The following LRPAP1 variants were observed in gnomAD, a reference collection of about 807,000 sequenced individuals.
The protein encoded by LRPAP1 is alpha-2-macroglobulin receptor-associated protein.
A neutral mutation model predicts 39.9 loss-of-function variants in LRPAP1; 41 were observed. The observed-to-expected ratio is 1.03, with a 90% CI of 0.80 to 1.33. LRPAP1 has a LOEUF of 1.33. Ranked by LOEUF, LRPAP1 falls within the 40% of genes most tolerant of loss-of-function variation. The pLI, the probability that LRPAP1 is intolerant of heterozygous loss-of-function variation, is 0.00. For missense variants in LRPAP1, 565 were observed against 482.3 expected, an observed-to-expected ratio of 1.17 and a Z score of -1.61; for synonymous variants, 263 against 212.7, an observed-to-expected ratio of 1.24 and a Z score of -2.06.
chr4:3,518,072 A>AGGC lies in LRPAP1; in HGVS notation c.710_712dup (p.Arg237dup), dbSNP rs1156728735. Reference sequence around the variant, plus strand: ...GTAGCCCTGGTGGCTGACCCTGCGCAGGCGGTCCAGGCCCTGGTTGATGCT... The same window carrying AGGC: ...GTAGCCCTGGTGGCTGACCCTGCGCAGGCGGCGGTCCAGGCCCTGGTTGATGCT... On this transcript the variant is annotated inframe_insertion, in exon 5 of 8. Transcript: ENST00000650182. 1 of 1,612,406 alleles carries AGGC rather than the reference A, an allele frequency of 6.2e-7. No individual in the cohort carries two copies. Among genetic ancestry groups the AGGC allele is most frequent in the African/African-American group, 1.3e-5 (1 of 75,030 alleles).
intron 1 of LRPAP1, among the ~76,000 whole-genome samples, chr4:3,526,901 C>G (rs1730094995): frequency 6.6e-6 from 1 of 152,204 alleles, no homozygotes. Context: ...CCACACAGGC[C>G]CCACCCTCCA....
Position 3,518,939 on chromosome 4 carries a change from T to C in LRPAP1, c.524A>G (p.Glu175Gly), listed in dbSNP as rs1468888645. ...SGEELDKLWR[E>G]FLHHKEKVHE... ...AACTTTCTCTTTGTGATGCAGGAAC[T>C]CCCGCCAGAGCTTGTCCAGTTCTTC... Residue 175 changes from glutamate to glycine, a missense_variant, in exon 4 of 8, where the codon GAG (glutamate) becomes GGG (glycine). Glu to Gly is a moderately conservative substitution (Grantham distance 98). Coordinates refer to ENST00000650182, the MANE Select transcript of LRPAP1 (RefSeq NM_002337.4). 6.2e-7 allele frequency: 1 copy of C among 1,614,006 alleles called. No individual in the cohort carries two copies. The highest frequency in any genetic ancestry group is 8.5e-7 in the Non-Finnish European group (1 of 1,179,988).
At chr4:3,513,566 C>T (rs1186457336) in intron 7 of LRPAP1, among the ~76,000 whole-genome samples, 1 of 152,208 alleles carries the variant, frequency 6.6e-6, no homozygotes, top group Non-Finnish European at 1.5e-5. Context: ...ACCTCAGCCT[C>T]CCAAAGTGCT....
At position 3,508,303 on chromosome 4, in the gene LRPAP1, G is replaced by A. The variant is rs1186678979; in HGVS notation, c.*4671C>T. On this transcript the variant is annotated 3_prime_UTR_variant, in exon 8 of 8. Transcript: ENST00000650182. ...TTACAAGCGTGAGCCACCATGCCAG[G>A]CCTCATGTCTATTTTTAAAAATCAA... 1 of 152,160 alleles carries A rather than the reference G, an allele frequency of 6.6e-6. No homozygotes were observed. The highest frequency in any genetic ancestry group is 1.5e-5 in the Non-Finnish European group (1 of 68,030). The allele number at this position is 152,160 out of a possible 1,614,324, so 9.4% of individuals were successfully genotyped here. A position where few individuals can be genotyped will look rare whatever the true frequency, so the allele number is the denominator to read the frequency against.
Position 3,507,664 on chromosome 4 carries a change from C to T in LRPAP1, c.*5310G>A, listed in dbSNP as rs977891021. On this transcript the variant is annotated 3_prime_UTR_variant, in exon 8 of 8. Transcript: ENST00000650182. ...ATGATCTAAGCCTCTATCAAAAGAA[C>T]CTAAAACAAGGACAGCAAATTGAAC... 4.0e-5 allele frequency: 6 copies of T among 151,648 alleles called. No homozygotes were observed. Among genetic ancestry groups the T allele is most frequent in the Non-Finnish European group, 8.8e-5 (6 of 67,966 alleles). 9.4% of individuals were successfully genotyped at this position (151,648 alleles called of 1,614,324 possible). A position where few individuals can be genotyped will look rare whatever the true frequency, so the allele number is the denominator to read the frequency against.
intron 2 of LRPAP1, among the ~76,000 whole-genome samples, chr4:3,523,025 G>A (rs984752359): frequency 1.3e-5 from 2 of 152,180 alleles, no homozygotes; most frequent in South Asian, 2.1e-4. Context: ...AGTGTGGGCA[G>A]GGTCTGCTTC....
At chr4:3,522,990 C>G (rs1461728931) in intron 2 of LRPAP1, among the ~76,000 whole-genome samples, 1 of 152,176 alleles carries the variant, frequency 6.6e-6, no homozygotes, top group East Asian at 1.9e-4. Context: ...TGGCGGGGAA[C>G]TGGCCAGGAC....
At chr4:3,513,140 C>T (rs1222034128) in intron 7 of LRPAP1, 104 bp from the exon 8 acceptor site, 2 of 820,912 alleles carry the variant, frequency 2.4e-6, no homozygotes, top group Non-Finnish European at 3.9e-6. Context: ...GGAAAAGGCG[C>T]AAGCCCTGCA....
In LRPAP1 at chr4:3,505,315, AC is replaced by A. The variant is rs1188490865; in HGVS notation, c.*7658del. Among the ~76,000 whole-genome samples the A allele has an allele frequency of 2.0e-5, 3 of 151,988 alleles. No homozygotes were observed. The highest frequency in any genetic ancestry group is 4.4e-5 in the Non-Finnish European group (3 of 67,972). ...GAGCACTGGAGCCCAATGCAGGGTG[AC>A]CCCTTCCCCCCAGCTCCAAATCCAG... On this transcript the variant is annotated 3_prime_UTR_variant, in exon 8 of 8. Transcript: ENST00000650182.
chr4:3,512,640 T>G lies in LRPAP1; in HGVS notation c.*334A>C. The G allele has an allele frequency of 3.3e-6, 1 of 307,588 alleles. No individual in the cohort carries two copies. The highest frequency in any genetic ancestry group is 6.3e-5 in the East Asian group (1 of 15,786). The allele number at this position is 307,588 out of a possible 1,614,324, so 19.1% of individuals were successfully genotyped here. The stretch of plus-strand genomic sequence containing the variant: ...TCCGGTGGCAGATGTGTAAGATTTT[T>G]TATGTAAATCGTGTTGTTTTAGCAG... On this transcript the variant is annotated 3_prime_UTR_variant, in exon 8 of 8. Transcript: ENST00000650182.
chr4:3,516,602 G>A (rs991411992), intron 5 of LRPAP1, among the ~76,000 whole-genome samples: 1 of 152,252 alleles, frequency 6.6e-6, no homozygotes. Context: ...TCCAGACGCA[G>A]GCACAGGCCG....
In LRPAP1 at chr4:3,511,697, G is replaced by A. The variant is rs1276375591; in HGVS notation, c.*1277C>T. ...CTGCAGTCAAAACACAATACGCCTG[G>A]TGGAGCCTCTTCCAGGTTCAAACAC... On this transcript the variant is annotated 3_prime_UTR_variant, in exon 8 of 8. Coordinates refer to ENST00000650182, the MANE Select transcript of LRPAP1 (RefSeq NM_002337.4). The A allele has an allele frequency of 1.3e-5, 2 of 152,298 alleles. No homozygotes were observed. 9.4% of individuals were successfully genotyped at this position (152,298 alleles called of 1,614,324 possible). A position where few individuals can be genotyped will look rare whatever the true frequency, so the allele number is the denominator to read the frequency against.
chr4:3,520,321 G>A (rs957854448), intron 2 of LRPAP1, 128 bp from the exon 3 acceptor site: 27 of 954,584 alleles, frequency 2.8e-5, no homozygotes, highest in African/African-American at 1.6e-5. Context: ...CCTTTCACCT[G>A]TTTCCTGGAT....
Position 3,524,925 on chromosome 4 carries a change from G to A in LRPAP1, c.331C>T (p.Leu111Phe). The A allele has an allele frequency of 2.5e-6, 4 of 1,614,226 alleles. No individual in the cohort carries two copies. Among genetic ancestry groups the A allele is most frequent in the East Asian group, 2.2e-5 (1 of 44,886 alleles). ...AACGTACCATTGAGGTTGCGTATGAGTCTCGCTTCCTTCTCCCCATCTTCG... is the reference window on the plus strand; with the variant it reads ...AACGTACCATTGAGGTTGCGTATGAATCTCGCTTCCTTCTCCCCATCTTCG... ...LDEDGEKEARLIRNLNVILAK... is the reference protein window; with the variant it reads ...LDEDGEKEARFIRNLNVILAK... Residue 111 changes from leucine (L) to phenylalanine (F), a missense_variant, in exon 2 of 8, where the codon CTC (leucine) becomes TTC (phenylalanine). Transcript: ENST00000650182.
At chr4:3,514,292 T>C (rs1211438557) in intron 7 of LRPAP1, among the ~76,000 whole-genome samples, 1 of 152,248 alleles carries the variant, frequency 6.6e-6, no homozygotes, top group Admixed American at 6.5e-5. Context: ...AGAAAGAACT[T>C]GGCATGAGCT....
At position 3,524,961 on chromosome 4, in the gene LRPAP1, C is replaced by G; in HGVS notation, c.295G>C (p.Asp99His). The change falls in exon 2 of 8, where the codon GAC becomes CAC. Residue 99 changes from aspartate (D) to histidine (H), a missense_variant. Coordinates refer to ENST00000650182, the MANE Select transcript of LRPAP1 (RefSeq NM_002337.4). ...TTCTCCCCATCTTCGTCCAAGCCGT[C>G]AAGCTTTAGTTTCTTCCAGGCGAGT... Reference protein sequence around the residue: ...DELAWKKLKLDGLDEDGEKEA... With the variant: ...DELAWKKLKLHGLDEDGEKEA... 1.9e-6 allele frequency: 3 copies of G among 1,614,178 alleles called. No homozygotes were observed. The highest frequency in any genetic ancestry group is 2.5e-6 in the Non-Finnish European group (3 of 1,180,034).
chr4:3,516,833 C>A (rs1729720667), intron 5 of LRPAP1, among the ~76,000 whole-genome samples: 1 of 152,188 alleles, frequency 6.6e-6, no homozygotes, highest in Non-Finnish European at 1.5e-5. Context: ...GGCCCCTGCT[C>A]CCTCCTCTGC....
At chr4:3,523,592 C>T (rs1729986690) in intron 2 of LRPAP1, among the ~76,000 whole-genome samples, 1 of 152,226 alleles carries the variant, frequency 6.6e-6, no homozygotes, top group African/African-American at 2.4e-5. Context: ...CACTACTCGG[C>T]TCTGCAACTC....
intron 3 of LRPAP1, among the ~76,000 whole-genome samples, 190 bp downstream of exon 3, chr4:3,519,882 T>C (rs1477912317): frequency 1.3e-5 from 2 of 152,204 alleles, no homozygotes; most frequent in East Asian, 3.9e-4. Context: ...GCAAGGAATC[T>C]TCTAAACAGG....
Sources: allele counts gnomAD v4.1 joint callset (sites outside exome capture counted in the v4.1 genomes callset), GRCh38; gene constraint gnomAD v4.1.1; transcripts MANE v1.5; gene names NCBI Gene and HGNC (gene_info 2026-07-23, HGNC 2026-07-21).